The following SLC71A2 variants were observed in gnomAD, a reference collection of about 807,000 sequenced individuals.
SLC71A2 encodes the protein hippocampus abundant transcript-like 1.
At chr9:94,379,066 T>C in the SLC71A2 span, among the ~76,000 whole-genome samples, 1 of 133,360 alleles carries the variant, frequency 7.5e-6, no homozygotes, top group South Asian at 2.5e-4. Flanking sequence ...TCACCTTCTG[T>C]AGGGATTCTT....
the SLC71A2 span, among the ~76,000 whole-genome samples, chr9:94,396,089 G>A: frequency 6.6e-6 from 1 of 152,046 alleles, no homozygotes; most frequent in East Asian, 1.9e-4. Flanking sequence ...GGATATGGCA[G>A]TGAAGTACCT....
the SLC71A2 span, among the ~76,000 whole-genome samples, chr9:94,397,262 C>T: frequency 6.6e-6 from 1 of 152,124 alleles, no homozygotes; most frequent in Non-Finnish European, 1.5e-5. Flanking sequence ...TAACATTTTA[C>T]ACTGGCATGG....
chr9:94,427,064 T>C, the SLC71A2 span, among the ~76,000 whole-genome samples: 1 of 152,222 alleles, frequency 6.6e-6, no homozygotes, highest in Admixed American at 6.5e-5. Context: ...CTCTGAGATA[T>C]TTAATACACC....
chr9:94,438,547 C>T, the SLC71A2 span: 3 of 1,602,144 alleles, frequency 1.9e-6, no homozygotes, highest in African/African-American at 4.0e-5. Flanking sequence ...CTTGGCCCTT[C>T]ACCTCCTGAC....
At chr9:94,452,841 G>C in the SLC71A2 span, among the ~76,000 whole-genome samples, 4 of 151,254 alleles carry the variant, frequency 2.6e-5, no homozygotes, top group Admixed American at 2.0e-4. Context: ...AAAAGATGAA[G>C]CATATTGTCC....
chr9:94,411,550 G>T, the SLC71A2 span, among the ~76,000 whole-genome samples: 4 of 151,754 alleles, frequency 2.6e-5, no homozygotes, highest in East Asian at 7.7e-4. Flanking sequence ...CTGTGAAGTG[G>T]CAGGATTCTA....
the SLC71A2 span, among the ~76,000 whole-genome samples, chr9:94,426,704 G>A: frequency 1.3e-5 from 2 of 152,126 alleles, no homozygotes; most frequent in African/African-American, 2.4e-5. Flanking sequence ...AAAGTGATAA[G>A]CAAGTGTCAT....
the SLC71A2 span, among the ~76,000 whole-genome samples, chr9:94,414,285 C>T: frequency 1.3e-5 from 2 of 152,074 alleles, no homozygotes; most frequent in Non-Finnish European, 2.9e-5. Flanking sequence ...ACAGGGAAAA[C>T]GAGTCAAGGC....
At chr9:94,419,274 T>TG in the SLC71A2 span, among the ~76,000 whole-genome samples, 3 of 150,032 alleles carry the variant, frequency 2.0e-5, no homozygotes, top group Admixed American at 2.0e-4. Context: ...CCACCACGCT[T>TG]GGCTAAAGCT....
chr9:94,426,613 T>G, the SLC71A2 span, among the ~76,000 whole-genome samples: 6 of 152,234 alleles, frequency 3.9e-5, no homozygotes, highest in South Asian at 2.1e-4. Flanking sequence ...GCTCTGTGTA[T>G]GTTTATTACA....
the SLC71A2 span, among the ~76,000 whole-genome samples, chr9:94,387,066 C>T: frequency 3.8e-4 from 58 of 152,006 alleles, no homozygotes; most frequent in African/African-American, 1.4e-3. Context: ...TGGTTTTCTA[C>T]CTTTTCTTTC....
At chr9:94,382,810 G>T in the SLC71A2 span, among the ~76,000 whole-genome samples, 1 of 152,142 alleles carries the variant, frequency 6.6e-6, no homozygotes, top group Non-Finnish European at 1.5e-5. Context: ...CCGAGTAGCT[G>T]GGACTACAGG....
At chr9:94,453,129 CA>C in the SLC71A2 span, among the ~76,000 whole-genome samples, 1 of 148,468 alleles carries the variant, frequency 6.7e-6, no homozygotes, top group Non-Finnish European at 1.5e-5. Flanking sequence ...TTTACAAAAT[CA>C]AACATAAACT....
At chr9:94,454,044 C>G in the SLC71A2 span, 2 of 1,613,724 alleles carry the variant, frequency 1.2e-6, no homozygotes, top group Non-Finnish European at 1.7e-6. Context: ...TCCAGTTAGC[C>G]TGGTACGGTT....
chr9:94,405,154 T>C, the SLC71A2 span, among the ~76,000 whole-genome samples: 4 of 152,156 alleles, frequency 2.6e-5, no homozygotes, highest in Non-Finnish European at 4.4e-5. Context: ...TTGTGACATA[T>C]ATGTATTTAC....
chr9:94,392,207 G>GAT, the SLC71A2 span, among the ~76,000 whole-genome samples: 1 of 150,542 alleles, frequency 6.6e-6, no homozygotes, highest in Non-Finnish European at 1.5e-5. Context: ...ATACTCTAAA[G>GAT]AAACTCTTGG....
At chr9:94,436,385 A>G in the SLC71A2 span, among the ~76,000 whole-genome samples, 1 of 152,138 alleles carries the variant, frequency 6.6e-6, no homozygotes, top group Admixed American at 6.6e-5. Flanking sequence ...GATTGCAAAA[A>G]CTGTCCTGCT....
chr9:94,407,850 G>T, the SLC71A2 span, among the ~76,000 whole-genome samples: 1 of 152,172 alleles, frequency 6.6e-6, no homozygotes, highest in Non-Finnish European at 1.5e-5. Flanking sequence ...TAAGTTTTAA[G>T]TTACACGTCA....
chr9:94,424,727 CTTTTTTTTTTTT>C, the SLC71A2 span, among the ~76,000 whole-genome samples: 2 of 91,818 alleles, frequency 2.2e-5, no homozygotes, highest in Non-Finnish European at 4.0e-5. Context: ...TTGTTTTCTG[CTTTTTTTTTTTT>C]TTTTTTTTTT....
Sources: gnomAD v4.1 joint callset for allele counts (sites outside exome capture counted in the v4.1 genomes callset) on GRCh38, gnomAD v4.1.1 for gene constraint, MANE v1.5 for transcripts, NCBI Gene and HGNC (gene_info 2026-07-23, HGNC 2026-07-21) for gene names.